AGTPBP1: variants seen among roughly 807,000 people sequenced by gnomAD.
AGTPBP1 encodes ATP/GTP binding carboxypeptidase 1, also known as cytosolic carboxypeptidase 1.
AGTPBP1 carries 70 observed loss-of-function variants against 143.9 expected under a neutral mutation model. The observed-to-expected ratio is 0.49, with a 90% CI of 0.40 to 0.59. The LOEUF (loss-of-function observed/expected upper bound fraction) is 0.59. AGTPBP1 is among the 20% of genes least tolerant of loss of function. AGTPBP1 has a pLI of 0.00. For synonymous variants in AGTPBP1, 463 were observed against 500.2 expected, an observed-to-expected ratio of 0.93 and a Z score of 0.99; for missense variants, 1,229 against 1,464.5, an observed-to-expected ratio of 0.84 and a Z score of 2.62.
chr9:85,770,207 T>C, the AGTPBP1 span: 7,743 of 953,568 alleles, frequency 8.1e-3, 317 homozygotes, highest in African/African-American at 0.098. Flanking sequence ...ACTCAAATAG[T>C]TTAGTAGTAT....
intron 18 of AGTPBP1, 25 bp downstream of exon 18, chr9:85,596,337 C>T (rs1829299288): frequency 1.3e-6 from 2 of 1,487,494 alleles, no homozygotes; most frequent in Non-Finnish European, 1.9e-6. Flanking sequence ...AGCTGACATT[C>T]TATTAATATT....
In AGTPBP1 at chr9:85,575,456, C is replaced by T. The variant is rs144530560; in HGVS notation, c.3362G>A (p.Arg1121Gln). The T allele has an allele frequency of 9.8e-5, 157 of 1,605,964 alleles. No individual in the cohort carries two copies. Among genetic ancestry groups the T allele is most frequent in the Middle Eastern group, 6.6e-4 (4 of 6,028 alleles). Residue 1121 changes from arginine to glutamine, a missense_variant, in exon 25 of 26, where the codon CGA becomes CAA. Around this residue, in one of 2 missense-constraint regions of AGTPBP1, gnomAD observed 486 missense variants for 652.3 expected, o/e 0.75. Coordinates refer to ENST00000357081, the MANE Select transcript of AGTPBP1 (RefSeq NM_001330701.2). ...GKYKGLQIGT[R>Q]ELEEMGAKFC... ...TTTTGCTCCCATCTCTTCCAGTTCT[C>T]GGGTACCAATCTGTAAACCCTTGAA...
At chr9:85,634,849 A>G (rs1831931456) in intron 13 of AGTPBP1, among the ~76,000 whole-genome samples, 1 of 152,186 alleles carries the variant, frequency 6.6e-6, no homozygotes, top group Non-Finnish European at 1.5e-5. Context: ...CAGAACACCA[A>G]ACTCTCCAAA....
chr9:85,566,911 T>G (rs931481078), intron 25 of AGTPBP1, among the ~76,000 whole-genome samples: 2 of 152,180 alleles, frequency 1.3e-5, no homozygotes, highest in African/African-American at 4.8e-5. Flanking sequence ...AAAGACTTTA[T>G]AGCATTGCAA....
rs571432275 is a variant in AGTPBP1, at chr9:85,560,861, A to T, written c.3504-13575T>A. Among the ~76,000 whole-genome samples, 7 of 152,312 alleles carry T rather than the reference A, an allele frequency of 4.6e-5. No homozygotes were observed. In the South Asian group the frequency reaches 1.0e-3, roughly 23 times the overall value. Reference sequence around the variant, plus strand: ...AGGATATAGTGAAAAGATCATACGCAAACATAAATGGAGTCCCAGAAGGAG... The same window carrying T: ...AGGATATAGTGAAAAGATCATACGCTAACATAAATGGAGTCCCAGAAGGAG... On this transcript the variant is annotated intron_variant, in intron 25 of 25. Transcript: ENST00000357081.
intron 6 of AGTPBP1, among the ~76,000 whole-genome samples, chr9:85,672,932 G>A (rs1475856730): frequency 3.3e-5 from 5 of 151,108 alleles, no homozygotes; most frequent in South Asian, 2.1e-4. Context: ...ACGGGCTTTC[G>A]CCATGTTGGC....
rs1195621501 is a variant in AGTPBP1, at chr9:85,731,095, AAGTTGTG to A, written c.-34+10673_-34+10679del. On this transcript the variant is annotated intron_variant, in intron 1 of 25. Coordinates refer to ENST00000357081, the MANE Select transcript of AGTPBP1 (RefSeq NM_001330701.2). ...GTACAATATCCTCAGAAATGAAATG[AAGTTGTG>A]ACATCAACTTTTTTAAATTAGGAAG... Among the ~76,000 whole-genome samples, 4 of 152,236 alleles carry A rather than the reference AAGTTGTG, an allele frequency of 2.6e-5. No homozygotes were observed. The East Asian group carries it at 7.7e-4, about 29-fold the overall frequency.
chr9:85,645,450 G>C (rs956590957), intron 12 of AGTPBP1, among the ~76,000 whole-genome samples: 1 of 152,130 alleles, frequency 6.6e-6, no homozygotes, highest in African/African-American at 2.4e-5. Flanking sequence ...AGTTTAGATT[G>C]GCTAACTTGA....
At chr9:85,653,174 T>TG (rs1002991759) in intron 11 of AGTPBP1, among the ~76,000 whole-genome samples, 10 of 140,542 alleles carry the variant, frequency 7.1e-5, no homozygotes, top group South Asian at 2.4e-4. Flanking sequence ...GAGGCTGAGG[T>TG]GGGGGGGATC....
chr9:85,616,966 C>G (rs1194192668), intron 17 of AGTPBP1, among the ~76,000 whole-genome samples: 1 of 151,918 alleles, frequency 6.6e-6, no homozygotes, highest in African/African-American at 2.4e-5. Context: ...GTTACTTAAG[C>G]CATTTAAAAA....
At chr9:85,646,476 G>T in intron 11 of AGTPBP1, 58 bp from the exon 12 acceptor site, 1 of 1,140,896 alleles carries the variant, frequency 8.8e-7, no homozygotes, top group Non-Finnish European at 1.3e-6. Flanking sequence ...AATATGCATA[G>T]CCAATGGTAG....
intron 8 of AGTPBP1, 128 bp downstream of exon 8, chr9:85,669,357 T>C (rs1248233174): frequency 4.3e-6 from 2 of 469,788 alleles, no homozygotes; most frequent in African/African-American, 2.0e-5. Flanking sequence ...AAAATCATTA[T>C]TTAAGAACTA....
chr9:85,679,024 AT>A, intron 4 of AGTPBP1, among the ~76,000 whole-genome samples: 1 of 152,160 alleles, frequency 6.6e-6, no homozygotes, highest in Non-Finnish European at 1.5e-5. Flanking sequence ...TGCTTTTAAT[AT>A]TTTGCTATTA....
intron 25 of AGTPBP1, among the ~76,000 whole-genome samples, chr9:85,566,957 A>AT (rs1827145942): frequency 6.6e-6 from 1 of 152,256 alleles, no homozygotes; most frequent in South Asian, 2.1e-4. Flanking sequence ...AGGGAATCAC[A>AT]GCCAGAACTT....
chr9:85,741,318 G>T, intron 1 of AGTPBP1: 2 of 985,414 alleles, frequency 2.0e-6, no homozygotes, highest in Non-Finnish European at 2.4e-6. Context: ...GAAGCACAGG[G>T]GCCCGCGATT....
the AGTPBP1 span, among the ~76,000 whole-genome samples, chr9:85,747,195 T>C: frequency 1.1e-4 from 17 of 152,338 alleles, no homozygotes; most frequent in African/African-American, 3.8e-4. Flanking sequence ...GCCACAGATA[T>C]ATGGTTACTA....
the AGTPBP1 span, among the ~76,000 whole-genome samples, chr9:85,792,899 GTTGT>G: frequency 2.0e-5 from 3 of 152,110 alleles, no homozygotes; most frequent in Non-Finnish European, 2.9e-5. Context: ...GGCACACATG[GTTGT>G]TTATTTTATA....
upstream of AGTPBP1, among the ~76,000 whole-genome samples, chr9:85,742,821 A>G (rs1184638529): frequency 2.0e-5 from 3 of 152,240 alleles, no homozygotes; most frequent in Non-Finnish European, 4.4e-5. Context: ...TTCACGTTGC[A>G]CAAGAACATG....
intron 1 of AGTPBP1, among the ~76,000 whole-genome samples, chr9:85,726,401 T>C (rs995038228): frequency 6.6e-6 from 1 of 152,250 alleles, no homozygotes; most frequent in Non-Finnish European, 1.5e-5. Flanking sequence ...TTTTTTGCTA[T>C]GGTCTTAAGT....
Sources: allele counts gnomAD v4.1 joint callset (sites outside exome capture counted in the v4.1 genomes callset), GRCh38; gene constraint gnomAD v4.1.1; regional missense constraint gnomAD v4.1.1; transcripts MANE v1.5; gene names NCBI Gene and HGNC (gene_info 2026-07-23, HGNC 2026-07-21).